Variants in EML1 observed in about 807,000 individuals in gnomAD.
EML1 encodes the protein EMAP like 1, also known as echinoderm microtubule-associated protein-like 1.
In EML1, 27 loss-of-function variants were observed where a neutral mutation model predicts 110.4. The observed-to-expected ratio is 0.24, with a 90% CI of 0.18 to 0.34. The LOEUF (loss-of-function observed/expected upper bound fraction) is 0.34, where lower values mean the gene tolerates loss of function less well. Among genes scored for constraint, EML1 ranks in the 10% least tolerant of loss-of-function variants. The pLI, the probability that EML1 is intolerant of heterozygous loss-of-function variation, is 1.00. For synonymous variants in EML1, 344 were observed against 385.8 expected (o/e 0.89, Z 1.27); for missense variants, 741 against 1,030.9 (o/e 0.72, Z 3.85).
chr14:99,804,985 G>C (rs2057945460), intron 1 of EML1, among the ~76,000 whole-genome samples: 1 of 152,180 alleles, frequency 6.6e-6, no homozygotes, highest in Non-Finnish European at 1.5e-5. Flanking sequence ...GTGCCAGGCT[G>C]TTGTGTACAG....
chr14:99,878,481 T>G lies in EML1; in HGVS notation c.384-4T>G, dbSNP rs1469777022. 1 of 1,609,368 alleles carries G rather than the reference T, an allele frequency of 6.2e-7. No individual in the cohort carries two copies. ...GTTCACTGTCACTTCCATTCCACCC[T>G]TAGTAACATCAAGAGGACCAGCTCT... On this transcript the variant is annotated splice_polypyrimidine_tract_variant and splice_region_variant and intron_variant, in intron 3 of 21. Coordinates refer to ENST00000262233, the MANE Select transcript of EML1 (RefSeq NM_004434.3).
intron 9 of EML1, among the ~76,000 whole-genome samples, chr14:99,901,536 C>G (rs1169327810): frequency 1.3e-5 from 2 of 152,076 alleles, no homozygotes; most frequent in Non-Finnish European, 2.9e-5. Context: ...ATAGAGCAGC[C>G]CTGAGGTCTG....
Position 99,917,692 on chromosome 14 carries a change from C to G in EML1, c.1753-90C>G, listed in dbSNP as rs113859849. 9 of 1,198,570 alleles carry G rather than the reference C, an allele frequency of 7.5e-6. No homozygotes were observed. In the African/African-American group the frequency reaches 1.3e-4, roughly 18 times the overall value. 74.2% of individuals were successfully genotyped at this position (1,198,570 alleles called of 1,614,324 possible). A position where few individuals can be genotyped will look rare whatever the true frequency, so the allele number is the denominator to read the frequency against. On this transcript the variant is annotated intron_variant, in intron 15 of 21. Coordinates refer to ENST00000262233, the MANE Select transcript of EML1 (RefSeq NM_004434.3). ...AGCCCTAAGGAATTAGAAGTGTGAG[C>G]GTTTGTGTGTGCACGCACTCACGTG...
chr14:99,767,194 C>T (rs2057376293), intron 1 of EML1, among the ~76,000 whole-genome samples: 1 of 152,242 alleles, frequency 6.6e-6, no homozygotes, highest in South Asian at 2.1e-4. Flanking sequence ...TTCCATGAAC[C>T]AGAGCTTACT....
rs1174445495 is a variant in EML1, at chr14:99,781,673, A to C, written c.-27+7660A>C. Among the ~76,000 whole-genome samples the C allele has an allele frequency of 1.3e-5, 2 of 152,194 alleles. No individual in the cohort carries two copies. Among genetic ancestry groups the C allele is most frequent in the Non-Finnish European group, 2.9e-5 (2 of 68,034 alleles). ...CTTCCAAGGGGCTCCCATTGCCCAT[A>C]GACTAAGCCCAGCCTGTTAGTATGG... On this transcript the variant is annotated intron_variant, in intron 1 of 22. Transcript: ENST00000327921. The surrounding 1 kb of genome is among the most constrained non-coding windows in gnomAD (Gnocchi z 4.2).
At chr14:99,829,636 C>T (rs1391306298) in intron 1 of EML1, among the ~76,000 whole-genome samples, 2 of 152,156 alleles carry the variant, frequency 1.3e-5, no homozygotes, top group East Asian at 3.8e-4. Flanking sequence ...CCATCCCTCC[C>T]GCCTCCCAGC....
Position 99,850,975 on chromosome 14 carries a change from C to T in EML1, c.190C>T (p.Arg64Trp), listed in dbSNP as rs981038918. The T allele has an allele frequency of 5.0e-6, 8 of 1,614,116 alleles. No individual in the cohort carries two copies. Among genetic ancestry groups the T allele is most frequent in the Admixed American group, 1.7e-5 (1 of 60,012 alleles). Reference protein sequence around the residue: ...LLKSALADVVRRLNITEEQQA... With the variant: ...LLKSALADVVWRLNITEEQQA... Reference sequence around the variant, plus strand: ...CAAATCAGCTCTAGCTGATGTGGTTCGGCGGCTGAACATTACTGAGGAACA... The same window carrying T: ...CAAATCAGCTCTAGCTGATGTGGTTTGGCGGCTGAACATTACTGAGGAACA... The change falls in exon 2 of 22, where the codon CGG becomes TGG. Residue 64 changes from arginine to tryptophan, a missense_variant. Transcript: ENST00000262233.
chr14:99,882,301 G>A (rs146296581), intron 4 of EML1, among the ~76,000 whole-genome samples: 1 of 152,178 alleles, frequency 6.6e-6, no homozygotes, highest in African/African-American at 2.4e-5. Flanking sequence ...TTTTATACCT[G>A]ATAGAAAATT....
intron 4 of EML1, chr14:99,886,091 G>T (rs1045707150): frequency 3.8e-6 from 1 of 261,930 alleles, no homozygotes; most frequent in Non-Finnish European, 7.6e-6. Context: ...CTAATAAAAA[G>T]CTGCTTAAGG....
chr14:99,794,059 A>G (rs184056577), intron 1 of EML1, among the ~76,000 whole-genome samples: 3 of 152,308 alleles, frequency 2.0e-5, no homozygotes, highest in Admixed American at 6.5e-5. Context: ...ATTTAATACA[A>G]TCTAGAGCTT....
intron 16 of EML1, among the ~76,000 whole-genome samples, chr14:99,919,606 TCA>T (rs2060096694): frequency 6.6e-6 from 1 of 152,148 alleles, no homozygotes; most frequent in African/African-American, 2.4e-5. Context: ...GTGCTCAGAA[TCA>T]CAGTGTCCCA....
chr14:99,739,454 C>T (rs2057016014), intron 1 of EML1, among the ~76,000 whole-genome samples: 1 of 152,174 alleles, frequency 6.6e-6, no homozygotes, highest in South Asian at 2.1e-4. Context: ...TGAGCATGCA[C>T]GTGTGTGCGC....
chr14:99,939,114 G>A lies in EML1; in HGVS notation c.2192-83G>A. 6.4e-7 allele frequency: 1 copy of A among 1,562,432 alleles called. No homozygotes were observed. The highest frequency in any genetic ancestry group is 8.6e-7 in the Non-Finnish European group (1 of 1,156,828). ...GGACTTCAGGCAGTTTCATGTTCAG[G>A]ACCGTTCAGTGGGCGCTTCCTGCGC... On this transcript the variant is annotated intron_variant, in intron 20 of 21. Transcript: ENST00000262233. The surrounding 1 kb of genome is among the most constrained non-coding windows in gnomAD (Gnocchi z 4.2).
At position 99,941,222 on chromosome 14, in the gene EML1, C is replaced by T. The variant is rs1272030898; in HGVS notation, c.*1110C>T. 6.6e-6 allele frequency: 1 copy of T among 152,106 alleles called. No homozygotes were observed. The highest frequency in any genetic ancestry group is 1.5e-5 in the Non-Finnish European group (1 of 68,032). The allele number at this position is 152,106 out of a possible 1,614,324, so 9.4% of individuals were successfully genotyped here. A position where few individuals can be genotyped will look rare whatever the true frequency, so the allele number is the denominator to read the frequency against. On this transcript the variant is annotated 3_prime_UTR_variant, in exon 22 of 22. Coordinates refer to ENST00000262233, the MANE Select transcript of EML1 (RefSeq NM_004434.3). ...GGCCTTATCCATTTCGATTGTGTGA[C>T]AGATTGAAATTTATTGTTTACATTG...
upstream of EML1, among the ~76,000 whole-genome samples, chr14:99,769,637 C>G (rs555958261): frequency 6.6e-6 from 1 of 152,334 alleles, no homozygotes; most frequent in Non-Finnish European, 1.5e-5. Context: ...TCTGCAGTAC[C>G]TGCCCCTACA....
chr14:99,876,548 G>A lies in EML1; in HGVS notation c.384-1937G>A, dbSNP rs116275624. On this transcript the variant is annotated intron_variant, in intron 3 of 21. Transcript: ENST00000262233. ...GTCTTTAAACATTAGTTTCCCCAGG[G>A]CTCTTCTGTCCTTGGTCACCTCCTC... Among the ~76,000 whole-genome samples, 617 of 152,184 alleles carry A rather than the reference G, an allele frequency of 4.1e-3. 4 individuals are homozygous for A. Among genetic ancestry groups the A allele is most frequent in the African/African-American group, 0.014 (585 of 41,534 alleles).
In EML1 at chr14:99,781,613, A is replaced by C. The variant is rs953673657; in HGVS notation, c.-27+7600A>C. Among the ~76,000 whole-genome samples the C allele has an allele frequency of 6.6e-6, 1 of 151,996 alleles. No individual in the cohort carries two copies. Among genetic ancestry groups the C allele is most frequent in the Non-Finnish European group, 1.5e-5 (1 of 67,986 alleles). ...CCTGGCCCAGGTATGTGCACTTCCC[A>C]TCAGTCTTCCTGAAGCACAGTCCTA... On this transcript the variant is annotated intron_variant, in intron 1 of 22. Transcript: ENST00000327921. This position sits in a 1 kb window ranked among gnomAD's most constrained non-coding sequence, Gnocchi z 4.2.
chr14:99,904,429 T>G (rs1194028374), intron 9 of EML1, among the ~76,000 whole-genome samples: 2 of 152,232 alleles, frequency 1.3e-5, no homozygotes, highest in African/African-American at 2.4e-5. Context: ...AAAAGACATT[T>G]CACTTTCTTT....
intron 1 of EML1, among the ~76,000 whole-genome samples, chr14:99,794,533 T>C (rs755293930): frequency 2.6e-5 from 4 of 152,250 alleles, no homozygotes; most frequent in Non-Finnish European, 5.9e-5. Context: ...TTTCTTGTTA[T>C]TCGACACCTG....
Sources: gnomAD v4.1 joint callset for allele counts (sites outside exome capture counted in the v4.1 genomes callset) on GRCh38, gnomAD v4.1.1 for gene constraint, Gnocchi (gnomAD v3.1) non-coding constraint, MANE v1.5 for transcripts, NCBI Gene and HGNC (gene_info 2026-07-23, HGNC 2026-07-21) for gene names.